Variants in HTR5A observed in about 807,000 individuals in gnomAD.
HTR5A encodes the protein 5-hydroxytryptamine receptor 5A.
In HTR5A, 21 loss-of-function variants were observed where a neutral mutation model predicts 24.3. That is an observed-to-expected ratio of 0.86 (90% CI 0.61 to 1.24). The LOEUF is 1.24. Ranked by LOEUF, HTR5A falls within the 50% of genes most tolerant of loss-of-function variation. The pLI is 0.00. For synonymous variants in HTR5A, 260 were observed against 213.7 expected, an observed-to-expected ratio of 1.22 and a Z score of -1.89; for missense variants, 497 against 489.5, an observed-to-expected ratio of 1.02 and a Z score of -0.15.
chr7:155,081,641 T>C (rs1472603217), intron 1 of HTR5A, among the ~76,000 whole-genome samples: 1 of 152,248 alleles, frequency 6.6e-6, no homozygotes, highest in East Asian at 1.9e-4. Flanking sequence ...TAGTAATTAA[T>C]AGAGCGTTAT....
rs1224266005 is a variant in HTR5A at position 155,085,462 on chromosome 7, G to C, written c.*975G>C. The C allele has an allele frequency of 6.6e-6, 1 of 152,106 alleles. No individual in the cohort carries two copies. The allele number at this position is 152,106 out of a possible 1,614,324, so 9.4% of individuals were successfully genotyped here. A position where few individuals can be genotyped will look rare whatever the true frequency, so the allele number is the denominator to read the frequency against. On this transcript the variant is annotated 3_prime_UTR_variant, in exon 2 of 2. Coordinates refer to ENST00000287907, the MANE Select transcript of HTR5A (RefSeq NM_024012.4). ...CTTTAAGGGCATCCTTGATTAATTT[G>C]CTAATTGCTATTTTTTGTTGGTATG...
At chr7:155,075,279 C>T (rs1380817740) in intron 1 of HTR5A, among the ~76,000 whole-genome samples, 1 of 30,834 alleles carries the variant, frequency 3.2e-5, no homozygotes, top group Non-Finnish European at 2.0e-3. Context: ...TGTTTTTGGT[C>T]CTCTTAATGA....
chr7:155,071,712 C>T (rs1170050268), intron 1 of HTR5A, 72 bp downstream of exon 1: 2 of 1,488,782 alleles, frequency 1.3e-6, no homozygotes, highest in African/African-American at 1.4e-5. Flanking sequence ...GCCACCTGCC[C>T]CACCCCCACA....
In HTR5A at chr7:155,071,315, G is replaced by A. The variant is rs756695864; in HGVS notation, c.416G>A (p.Arg139His). 13 of 1,611,552 alleles carry A rather than the reference G, an allele frequency of 8.1e-6. No homozygotes were observed. The highest frequency in any genetic ancestry group is 1.6e-4 in the Middle Eastern group (1 of 6,084). Residue 139 changes from arginine (R) to histidine (H), a missense_variant, in exon 1 of 2, where the codon CGC becomes CAC. Physicochemically the swap from Arg to His is conservative, Grantham distance 29. Transcript: ENST00000287907. ...AACGTGACGGCCATAGCCCTGGACC[G>A]CTACTGGTCCATCACGCGCCACATG... is the stretch of plus-strand genomic sequence containing the variant. ...IWNVTAIALDRYWSITRHMEY... is the reference protein window; with the variant it reads ...IWNVTAIALDHYWSITRHMEY...
At position 155,084,836 on chromosome 7, in the gene HTR5A, A is replaced by G. The variant is rs1369346247; in HGVS notation, c.*349A>G. 5.5e-6 allele frequency: 1 copy of G among 182,846 alleles called. No individual in the cohort carries two copies. The highest frequency in any genetic ancestry group is 1.1e-5 in the Non-Finnish European group (1 of 90,254). 11.3% of individuals were successfully genotyped at this position (182,846 alleles called of 1,614,324 possible). On this transcript the variant is annotated 3_prime_UTR_variant, in exon 2 of 2. Coordinates refer to ENST00000287907, the MANE Select transcript of HTR5A (RefSeq NM_024012.4). ...CAAATAAGAAGGAGGAGGTAAAACA[A>G]TATGGGCAGGTTGAGATTGAATAGA...
At chr7:155,083,814 T>G (rs983662248) in intron 1 of HTR5A, among the ~76,000 whole-genome samples, 1 of 152,208 alleles carries the variant, frequency 6.6e-6, no homozygotes, top group African/African-American at 2.4e-5. Context: ...AGGACACTTT[T>G]GATGAAGTGT....
chr7:155,078,203 T>A (rs1234809299), intron 1 of HTR5A, among the ~76,000 whole-genome samples: 2 of 152,226 alleles, frequency 1.3e-5, no homozygotes, highest in Non-Finnish European at 2.9e-5. Context: ...ATATCTTGTA[T>A]TGATTTATAG....
chr7:155,074,548 A>G (rs1285988824), intron 1 of HTR5A: 1 of 152,104 alleles, frequency 6.6e-6, no homozygotes, highest in African/African-American at 2.4e-5. Context: ...AAATGAGTCC[A>G]TCTCTGGTGG....
At chr7:155,079,276 C>G (rs753990064) in intron 1 of HTR5A, among the ~76,000 whole-genome samples, 4 of 152,138 alleles carry the variant, frequency 2.6e-5, no homozygotes, top group Non-Finnish European at 5.9e-5. Context: ...AATTATAGCT[C>G]TTAGCTTTAG....
At chr7:155,074,291 G>A (rs1795337100) in intron 1 of HTR5A, among the ~76,000 whole-genome samples, 1 of 152,166 alleles carries the variant, frequency 6.6e-6, no homozygotes. Context: ...CCTTGTCAAA[G>A]GAAGAGGAAG....
chr7:155,073,865 G>GTA (rs151333626), intron 1 of HTR5A, among the ~76,000 whole-genome samples: 101 of 57,276 alleles, frequency 1.8e-3, no homozygotes, highest in Middle Eastern at 7.6e-3. Flanking sequence ...GTGTGTGTGT[G>GTA]TATATATATA....
chr7:155,073,895 A>ATATATATGTATATATATATACG (rs1563419644), intron 1 of HTR5A, among the ~76,000 whole-genome samples: 3 of 16,726 alleles, frequency 1.8e-4, no homozygotes, highest in African/African-American at 2.0e-4. Context: ...ATATGTATAT[A>ATATATATGTATATATATATACG]TATATATATA....
intron 1 of HTR5A, among the ~76,000 whole-genome samples, chr7:155,083,082 C>T (rs1795435472): frequency 6.8e-6 from 1 of 147,798 alleles, no homozygotes; most frequent in Non-Finnish European, 1.5e-5. Flanking sequence ...CCTGTTATTC[C>T]ATGTGATAGT....
chr7:155,084,567 A>C lies in HTR5A; in HGVS notation c.*80A>C. ...GTTCATCCATTTCCCATCCCCACCC[A>C]ACAGCCATGTGGACGGGATGAATCC... is the stretch of plus-strand genomic sequence containing the variant. On this transcript the variant is annotated 3_prime_UTR_variant, in exon 2 of 2. Coordinates refer to ENST00000287907, the MANE Select transcript of HTR5A (RefSeq NM_024012.4). The C allele has an allele frequency of 1.7e-6, 2 of 1,187,240 alleles. No homozygotes were observed. Among genetic ancestry groups the C allele is most frequent in the Admixed American group, 2.0e-5 (1 of 49,528 alleles). 73.5% of individuals were successfully genotyped at this position (1,187,240 alleles called of 1,614,324 possible).
rs546491947 is a variant in HTR5A, at chr7:155,071,656, A to G, written c.741+16A>G. ...AGCTGTGGAGGTGGGTATCTCAGCA[A>G]TCCTTAAAAATACTCGACTTGCATC... On this transcript the variant is annotated intron_variant, in intron 1 of 1. Coordinates refer to ENST00000287907, the MANE Select transcript of HTR5A (RefSeq NM_024012.4). 46 of 1,609,986 alleles carry G rather than the reference A, an allele frequency of 2.9e-5. No homozygotes were observed. In the South Asian group the frequency reaches 4.6e-4, roughly 16 times the overall value.
chr7:155,080,142 G>GCAAGGCAACAC, intron 1 of HTR5A, among the ~76,000 whole-genome samples: 1 of 152,194 alleles, frequency 6.6e-6, no homozygotes, highest in African/African-American at 2.4e-5. Flanking sequence ...TGCACATGTA[G>GCAAGGCAACAC]ACAACACACA....
intron 1 of HTR5A, chr7:155,074,483 C>A (rs182979917): frequency 5.9e-5 from 9 of 152,230 alleles, no homozygotes; most frequent in African/African-American, 2.2e-4. Flanking sequence ...GTAGATGACA[C>A]CCTCTGTATG....
intron 1 of HTR5A, among the ~76,000 whole-genome samples, chr7:155,076,920 G>C (rs904900864): frequency 6.6e-6 from 1 of 152,158 alleles, no homozygotes; most frequent in Non-Finnish European, 1.5e-5. Flanking sequence ...CTTAAAATAA[G>C]CAATGTTCTT....
intron 1 of HTR5A, among the ~76,000 whole-genome samples, chr7:155,083,883 T>A (rs1795445424): frequency 6.6e-6 from 1 of 152,298 alleles, no homozygotes; most frequent in South Asian, 2.1e-4. Context: ...CCACTGCCTC[T>A]GTTGAACAGA....
Sources: gnomAD v4.1 joint callset for allele counts (sites outside exome capture counted in the v4.1 genomes callset) on GRCh38, gnomAD v4.1.1 for gene constraint, MANE v1.5 for transcripts, NCBI Gene and HGNC (gene_info 2026-07-23, HGNC 2026-07-21) for gene names.